The following FBXL17 variants were observed in gnomAD, a reference collection of about 807,000 sequenced individuals.
FBXL17 encodes the protein F-box and leucine rich repeat protein 17, also known as F-box/LRR-repeat protein 17.
FBXL17 carries 22 observed loss-of-function variants against 66.2 expected under a neutral mutation model. The ratio of observed to expected loss-of-function variants is 0.33; its 90% CI spans 0.24 to 0.47. The LOEUF (loss-of-function observed/expected upper bound fraction) is 0.47, where lower values mean the gene tolerates loss of function less well. FBXL17 is among the 20% of genes least tolerant of loss of function. FBXL17 has a pLI of 1.00. For missense variants in FBXL17, 878 were observed against 948.2 expected (o/e 0.93, Z 0.97); for synonymous variants, 474 against 400.5 (o/e 1.18, Z -2.19).
At chr5:108,021,115 T>C in intron 6 of FBXL17, 114 bp from the exon 7 acceptor site, 1 of 696,774 alleles carries the variant, frequency 1.4e-6, no homozygotes, top group Non-Finnish European at 2.5e-6. Flanking sequence ...TTTAATGGTG[T>C]TTCAGGAAAG....
intron 6 of FBXL17, among the ~76,000 whole-genome samples, chr5:108,039,180 G>T (rs1455616161): frequency 6.6e-6 from 1 of 151,886 alleles, no homozygotes; most frequent in Admixed American, 6.6e-5. Flanking sequence ...TGAGTGCAAA[G>T]ATTATTTCTA....
At chr5:108,095,468 TGAA>T (rs565303084) in intron 6 of FBXL17, among the ~76,000 whole-genome samples, 1 of 152,136 alleles carries the variant, frequency 6.6e-6, no homozygotes, top group South Asian at 2.1e-4. Context: ...AAGAAATTAT[TGAA>T]GAAGTCTCTT....
chr5:107,998,954 T>C (rs1753598154), intron 7 of FBXL17, among the ~76,000 whole-genome samples: 1 of 152,064 alleles, frequency 6.6e-6, no homozygotes, highest in Non-Finnish European at 1.5e-5. Context: ...CACCATACAG[T>C]CTAAATACTG....
intron 7 of FBXL17, among the ~76,000 whole-genome samples, chr5:107,889,747 A>G (rs1749130571): frequency 6.6e-6 from 1 of 152,216 alleles, no homozygotes; most frequent in Non-Finnish European, 1.5e-5. Context: ...AATTTTTTAA[A>G]CAAATGTCTT....
intron 7 of FBXL17, among the ~76,000 whole-genome samples, chr5:107,892,529 A>C (rs1250656556): frequency 6.6e-6 from 1 of 152,174 alleles, no homozygotes; most frequent in Non-Finnish European, 1.5e-5. Flanking sequence ...AAAGGCTTCT[A>C]CTGAATAGAT....
At chr5:108,081,550 TC>T (rs1224709104) in intron 6 of FBXL17, among the ~76,000 whole-genome samples, 1 of 151,772 alleles carries the variant, frequency 6.6e-6, no homozygotes, top group Non-Finnish European at 1.5e-5. Context: ...TGAAACCCCG[TC>T]TCTACTAAAA....
chr5:108,175,904 T>G lies in FBXL17; in HGVS notation c.1745+10213A>C, dbSNP rs79410093. Among the ~76,000 whole-genome samples the G allele has an allele frequency of 2.8e-3, 424 of 152,318 alleles. 3 individuals are homozygous for G. The highest frequency in any genetic ancestry group is 9.3e-3 in the African/African-American group (386 of 41,580). On this transcript the variant is annotated intron_variant, in intron 6 of 8. Coordinates refer to ENST00000542267, the MANE Select transcript of FBXL17 (RefSeq NM_001163315.3). ...CACAGGAGATATTTATCATCTCAAGTCTTTTACAAGAAAATTGTCAGATTT... is the reference window on the plus strand; with the variant it reads ...CACAGGAGATATTTATCATCTCAAGGCTTTTACAAGAAAATTGTCAGATTT...
chr5:108,183,319 G>A (rs565818783), intron 6 of FBXL17, among the ~76,000 whole-genome samples: 1 of 152,062 alleles, frequency 6.6e-6, no homozygotes, highest in African/African-American at 2.4e-5. Context: ...GCTTACAGGC[G>A]TGAGCCACCA....
chr5:108,142,063 A>C (rs920614411), intron 6 of FBXL17, among the ~76,000 whole-genome samples: 1 of 152,352 alleles, frequency 6.6e-6, no homozygotes, highest in South Asian at 2.1e-4. Context: ...TTTATCTTTA[A>C]ATCCCTGGCA....
intron 6 of FBXL17, among the ~76,000 whole-genome samples, chr5:108,141,626 T>C (rs1374983416): frequency 3.3e-5 from 5 of 152,230 alleles, no homozygotes; most frequent in African/African-American, 1.2e-4. Flanking sequence ...GGCAGGTTAC[T>C]TGCCTAATTA....
In FBXL17 at chr5:108,224,188, G is replaced by C; in HGVS notation, c.1547C>G (p.Pro516Arg). ...QSVKAFAEHC[P>R]ELQYVGFMGC... ...CATGAAGCCTACATATTGAAGCTCAGGACAGTGTTCAGCAAATGCTTTCAC... is the reference window on the plus strand; with the variant it reads ...CATGAAGCCTACATATTGAAGCTCACGACAGTGTTCAGCAAATGCTTTCAC... Residue 516 changes from proline to arginine, a missense_variant, in exon 5 of 9, where the codon CCT becomes CGT. Coordinates refer to ENST00000542267, the MANE Select transcript of FBXL17 (RefSeq NM_001163315.3). The C allele has an allele frequency of 6.2e-7, 1 of 1,611,062 alleles. No individual in the cohort carries two copies. The highest frequency in any genetic ancestry group is 1.1e-5 in the South Asian group (1 of 90,450).
intron 3 of FBXL17, among the ~76,000 whole-genome samples, chr5:108,357,325 G>A (rs1275779618): frequency 6.6e-6 from 1 of 151,990 alleles, no homozygotes; most frequent in Non-Finnish European, 1.5e-5. Flanking sequence ...TCACAAAAGA[G>A]TGTCAGAATA....
intron 7 of FBXL17, among the ~76,000 whole-genome samples, chr5:107,898,580 T>A (rs1423645970): frequency 6.6e-6 from 1 of 152,212 alleles, no homozygotes; most frequent in East Asian, 1.9e-4. Flanking sequence ...CATCAACCCG[T>A]CATCTACATT....
chr5:108,175,712 C>T (rs1307988116), intron 6 of FBXL17, among the ~76,000 whole-genome samples: 1 of 152,152 alleles, frequency 6.6e-6, no homozygotes, highest in Non-Finnish European at 1.5e-5. Context: ...ATAGCCCAGA[C>T]ACTTGCATGT....
At chr5:108,177,060 C>G (rs991179773) in intron 6 of FBXL17, among the ~76,000 whole-genome samples, 2 of 152,154 alleles carry the variant, frequency 1.3e-5, no homozygotes. Flanking sequence ...AACCAGTAGT[C>G]TCCTTTAATC....
intron 2 of FBXL17, 90 bp downstream of exon 2, chr5:108,367,741 A>T: frequency 8.7e-7 from 1 of 1,149,558 alleles, no homozygotes; most frequent in Non-Finnish European, 1.2e-6. Flanking sequence ...ACTATCTTAA[A>T]AAACAAGAAG....
chr5:108,350,643 C>G (rs1049514694), intron 3 of FBXL17, among the ~76,000 whole-genome samples: 1 of 152,144 alleles, frequency 6.6e-6, no homozygotes, highest in Non-Finnish European at 1.5e-5. Flanking sequence ...CATCAAACTT[C>G]TTAACAAAAC....
At chr5:108,192,858 C>T (rs920934243) in intron 5 of FBXL17, among the ~76,000 whole-genome samples, 8 of 152,006 alleles carry the variant, frequency 5.3e-5, no homozygotes, top group African/African-American at 1.7e-4. Flanking sequence ...TCTTAAGACC[C>T]TACAAAAGTT....
rs542344939 is a variant in FBXL17, at chr5:107,870,017, T to A, written c.1966-8157A>T. The stretch of plus-strand genomic sequence containing the variant: ...TTGTCAACCCAACTGCTCATTAGAA[T>A]TACCTGAAGATCTTTTAAAAATCCC... On this transcript the variant is annotated intron_variant, in intron 8 of 8. Transcript: ENST00000542267. 8.5e-5 allele frequency among the ~76,000 whole-genome samples: 13 copies of A among 152,288 alleles called. No individual in the cohort carries two copies. In the South Asian group the frequency reaches 2.3e-3, roughly 27 times the overall value.
Sources: gnomAD v4.1 joint callset for allele counts (sites outside exome capture counted in the v4.1 genomes callset) on GRCh38, gnomAD v4.1.1 for gene constraint, MANE v1.5 for transcripts, NCBI Gene and HGNC (gene_info 2026-07-23, HGNC 2026-07-21) for gene names.